SGPP2: variants seen among roughly 807,000 people sequenced by gnomAD.
SGPP2 encodes the protein sphingosine 1-phosphate phosphohydrolase 2.
SGPP2 carries 30 observed loss-of-function variants against 33.9 expected under a neutral mutation model. The observed-to-expected ratio is 0.89, with a 90% CI of 0.66 to 1.20. The LOEUF is 1.20. Among genes scored for constraint, SGPP2 ranks in the 50% most tolerant of loss-of-function variants. SGPP2 has a pLI of 0.00. For synonymous variants in SGPP2, 233 were observed against 225.0 expected, an observed-to-expected ratio of 1.04 and a Z score of -0.32; for missense variants, 458 against 532.1, an observed-to-expected ratio of 0.86 and a Z score of 1.37.
intron 4 of SGPP2, among the ~76,000 whole-genome samples, chr2:222,554,945 C>T (rs540315218): frequency 2.0e-4 from 31 of 152,212 alleles, no homozygotes; most frequent in South Asian, 2.1e-4. Context: ...GAGTGACCCC[C>T]GCCACGATAA....
intron 2 of SGPP2, among the ~76,000 whole-genome samples, chr2:222,486,624 T>C (rs13397034): frequency 0.31 from 47,727 of 151,912 alleles, 7,969 homozygotes; most frequent in African/African-American, 0.4. Flanking sequence ...AGATGCGGGG[T>C]TGTGGCCTTT....
rs1559174424 is a variant in SGPP2, at chr2:222,541,339, G to A, written c.648+16306G>A. ...GACAGAGGGAAGACTGCTTGCAAGA[G>A]TATCTCAAGACATGCTGTTTTATGC... On this transcript the variant is annotated intron_variant, in intron 4 of 4. Coordinates refer to ENST00000321276, the MANE Select transcript of SGPP2 (RefSeq NM_152386.4). Among the ~76,000 whole-genome samples, 4 of 152,198 alleles carry A rather than the reference G, an allele frequency of 2.6e-5. No individual in the cohort carries two copies. In the South Asian group the frequency reaches 8.3e-4, roughly 32 times the overall value.
intron 4 of SGPP2, among the ~76,000 whole-genome samples, chr2:222,530,307 C>G (rs1000272895): frequency 1.1e-4 from 17 of 152,198 alleles, no homozygotes; most frequent in African/African-American, 4.1e-4. Flanking sequence ...AGTGTTGAAG[C>G]CAGACATTGA....
intron 4 of SGPP2, among the ~76,000 whole-genome samples, chr2:222,533,811 G>A (rs35661850): frequency 0.32 from 47,669 of 149,430 alleles, 8,235 homozygotes; most frequent in Middle Eastern, 0.49. Flanking sequence ...TTTCTATTTC[G>A]CTCCTTAAAG....
chr2:222,551,200 G>A (rs373245557), intron 4 of SGPP2, among the ~76,000 whole-genome samples: 126 of 151,702 alleles, frequency 8.3e-4, no homozygotes, highest in African/African-American at 1.1e-3. Flanking sequence ...AAATCCACCC[G>A]TTCAGGACAG....
intron 1 of SGPP2, among the ~76,000 whole-genome samples, chr2:222,472,446 C>T (rs1284265857): frequency 6.6e-6 from 1 of 151,898 alleles, no homozygotes; most frequent in African/African-American, 2.4e-5. Context: ...CAGTTGGTCA[C>T]CAGAATGCAA....
chr2:222,481,742 G>C (rs1051558233), intron 2 of SGPP2, among the ~76,000 whole-genome samples: 4 of 152,128 alleles, frequency 2.6e-5, no homozygotes, highest in Non-Finnish European at 5.9e-5. Flanking sequence ...AGAGCTTACT[G>C]TGGGGGGTGA....
intron 2 of SGPP2, among the ~76,000 whole-genome samples, chr2:222,505,442 AT>A (rs1698430565): frequency 6.6e-6 from 1 of 152,208 alleles, no homozygotes. Context: ...TTATACATGA[AT>A]TTTTAAAAAT....
At chr2:222,534,970 C>T (rs986497396) in intron 4 of SGPP2, among the ~76,000 whole-genome samples, 8 of 152,244 alleles carry the variant, frequency 5.3e-5, no homozygotes, top group African/African-American at 1.7e-4. Context: ...GGGATTAGGC[C>T]TTAGCATATT....
chr2:222,455,189 G>A (rs1402412359), intron 1 of SGPP2, among the ~76,000 whole-genome samples: 1 of 148,998 alleles, frequency 6.7e-6, no homozygotes, highest in East Asian at 2.0e-4. Context: ...GGACAACATA[G>A]TGAGACCCCC....
intron 1 of SGPP2, among the ~76,000 whole-genome samples, chr2:222,427,985 T>C (rs1275870028): frequency 6.6e-6 from 1 of 152,146 alleles, no homozygotes; most frequent in African/African-American, 2.4e-5. Context: ...AAAGTCTGAG[T>C]CCTGAAGGGT....
intron 2 of SGPP2, among the ~76,000 whole-genome samples, chr2:222,512,459 T>C (rs1454145198): frequency 6.6e-6 from 1 of 152,120 alleles, no homozygotes; most frequent in East Asian, 1.9e-4. Flanking sequence ...TTTGGTACAA[T>C]CCATGGCCCT....
At chr2:222,437,727 T>A (rs909676825) in intron 1 of SGPP2, among the ~76,000 whole-genome samples, 1 of 152,198 alleles carries the variant, frequency 6.6e-6, no homozygotes, top group Admixed American at 6.5e-5. Context: ...GACGGGCAGT[T>A]CAGGTCTCAT....
At position 222,536,469 on chromosome 2, in the gene SGPP2, C is replaced by T. The variant is rs537078840; in HGVS notation, c.648+11436C>T. Among the ~76,000 whole-genome samples, 5 of 152,246 alleles carry T rather than the reference C, an allele frequency of 3.3e-5. No individual in the cohort carries two copies. The East Asian group carries it at 5.8e-4, about 18-fold the overall frequency. ...GCCAAGCAGGTGGATCACCTGAGGTCAGGAGTTCGAGACCAGCCTGACCAA... is the reference window on the plus strand; with the variant it reads ...GCCAAGCAGGTGGATCACCTGAGGTTAGGAGTTCGAGACCAGCCTGACCAA... On this transcript the variant is annotated intron_variant, in intron 4 of 4. Coordinates refer to ENST00000321276, the MANE Select transcript of SGPP2 (RefSeq NM_152386.4).
chr2:222,433,166 C>T (rs1697183813), intron 1 of SGPP2, among the ~76,000 whole-genome samples: 1 of 152,020 alleles, frequency 6.6e-6, no homozygotes, highest in African/African-American at 2.4e-5. Context: ...GAAAAAGAAG[C>T]TAAGACTTGA....
intron 4 of SGPP2, among the ~76,000 whole-genome samples, chr2:222,548,911 G>T (rs1044884248): frequency 6.6e-6 from 1 of 152,218 alleles, no homozygotes; most frequent in African/African-American, 2.4e-5. Context: ...AATATTCTGA[G>T]TCTGTTAACT....
intron 2 of SGPP2, among the ~76,000 whole-genome samples, chr2:222,493,134 C>T (rs1397231521): frequency 1.3e-5 from 2 of 152,208 alleles, no homozygotes; most frequent in East Asian, 1.9e-4. Flanking sequence ...TGCCCCACTA[C>T]TTTGGTACCA....
Position 222,521,879 on chromosome 2 carries a change from C to G in SGPP2, c.491C>G (p.Ser164Cys), listed in dbSNP as rs761978960. The G allele has an allele frequency of 6.2e-7, 1 of 1,609,384 alleles. No individual in the cohort carries two copies. The highest frequency in any genetic ancestry group is 8.5e-7 in the Non-Finnish European group (1 of 1,178,226). Reference protein sequence around the residue: ...KRLIAEYGMPSTHAMAATAIA... With the variant: ...KRLIAEYGMPCTHAMAATAIA... ...CTGATCGCTGAATATGGAATGCCAT[C>G]CACCCACGCCATGGCGGCCACTGCC... Residue 164 changes from serine (S) to cysteine (C), a missense_variant, in exon 3 of 5, where the codon TCC becomes TGC. Coordinates refer to ENST00000321276, the MANE Select transcript of SGPP2 (RefSeq NM_152386.4).
intron 2 of SGPP2, among the ~76,000 whole-genome samples, chr2:222,505,311 A>G (rs1698429032): frequency 6.6e-6 from 1 of 152,208 alleles, no homozygotes; most frequent in Non-Finnish European, 1.5e-5. Context: ...AAGAACAACT[A>G]TGATTCCCAA....
Sources: allele counts gnomAD v4.1 joint callset (sites outside exome capture counted in the v4.1 genomes callset), GRCh38; gene constraint gnomAD v4.1.1; transcripts MANE v1.5; gene names NCBI Gene and HGNC (gene_info 2026-07-23, HGNC 2026-07-21).